SLC24A3: variants seen among roughly 807,000 people sequenced by gnomAD.
The protein encoded by SLC24A3 is solute carrier family 24 member 3, also known as sodium/potassium/calcium exchanger 3.
In SLC24A3, 28 loss-of-function variants were observed where a neutral mutation model predicts 75.8. The observed-to-expected ratio is 0.37, with a 90% confidence interval of 0.27 to 0.51. The LOEUF (loss-of-function observed/expected upper bound fraction) is 0.51, where lower values mean the gene tolerates loss of function less well. Ranked by LOEUF, SLC24A3 falls within the 20% of genes least tolerant of loss-of-function variation. The pLI, the probability that SLC24A3 is intolerant of heterozygous loss-of-function variation, is 0.94. For synonymous variants in SLC24A3, 372 were observed against 334.1 expected, an observed-to-expected ratio of 1.11 and a Z score of -1.24; for missense variants, 663 against 847.8, an observed-to-expected ratio of 0.78 and a Z score of 2.71.
Position 19,685,327 on chromosome 20 carries a change from T to C in SLC24A3, c.1290T>C (p.Asp430=), listed in dbSNP as rs761979094. 1 of 1,614,092 alleles carries C rather than the reference T, an allele frequency of 6.2e-7. No individual in the cohort carries two copies. Among genetic ancestry groups the C allele is most frequent in the Admixed American group, 1.7e-5 (1 of 60,010 alleles). ...AGGAGGAAGAGGAGGACGAGGATGA[T>C]GATGAAGGACCGTACACACCATTCG... ...NDEEEEEDED[D]DEGPYTPFDT... is the part of the protein sequence containing the mutation. Residue 430 remains aspartate (D), a synonymous_variant, in exon 12 of 17, where the codon GAT becomes GAC. Coordinates refer to ENST00000328041, the MANE Select transcript of SLC24A3 (RefSeq NM_020689.4).
At position 19,722,260 on chromosome 20, in the gene SLC24A3, G is replaced by A. The variant is rs1258684065; in HGVS notation, c.*1120G>A. On this transcript the variant is annotated 3_prime_UTR_variant, in exon 17 of 17. Coordinates refer to ENST00000328041, the MANE Select transcript of SLC24A3 (RefSeq NM_020689.4). Reference sequence around the variant, plus strand: ...GTCCCAATTTGCCACTTGGTATTGAGTACACTGGACCCTGACCACTGGCTC... The same window carrying A: ...GTCCCAATTTGCCACTTGGTATTGAATACACTGGACCCTGACCACTGGCTC... 1.3e-5 allele frequency: 2 copies of A among 152,840 alleles called. No individual in the cohort carries two copies. Among genetic ancestry groups the A allele is most frequent in the East Asian group, 3.9e-4 (2 of 5,182 alleles). 9.5% of individuals were successfully genotyped at this position (152,840 alleles called of 1,614,324 possible). A position where few individuals can be genotyped will look rare whatever the true frequency, so the allele number is the denominator to read the frequency against.
At chr20:19,393,793 G>C (rs970855191) in intron 2 of SLC24A3, among the ~76,000 whole-genome samples, 1 of 152,120 alleles carries the variant, frequency 6.6e-6, no homozygotes, top group East Asian at 1.9e-4. Flanking sequence ...TACACAAAAT[G>C]ATCTACGTAT....
At chr20:19,269,277 A>T (rs1983256020) in intron 1 of SLC24A3, among the ~76,000 whole-genome samples, 1 of 152,208 alleles carries the variant, frequency 6.6e-6, no homozygotes. Context: ...TAGATTGATC[A>T]TCATGGTATT....
chr20:19,611,375 A>ATT (rs11483653), intron 6 of SLC24A3, among the ~76,000 whole-genome samples: 1 of 151,978 alleles, frequency 6.6e-6, no homozygotes, highest in Non-Finnish European at 1.5e-5. Flanking sequence ...CCGTTGAGAG[A>ATT]TTTTTTGAAT....
chr20:19,481,289 G>T (rs1449734428), intron 2 of SLC24A3, among the ~76,000 whole-genome samples: 1 of 152,210 alleles, frequency 6.6e-6, no homozygotes, highest in Non-Finnish European at 1.5e-5. Context: ...ATTGAGCAGT[G>T]ACTATGTGCT....
chr20:19,531,822 G>A (rs891708845), intron 3 of SLC24A3, among the ~76,000 whole-genome samples: 6 of 152,264 alleles, frequency 3.9e-5, no homozygotes, highest in South Asian at 2.1e-4. Context: ...CCAAGCCCCC[G>A]CGTGGAGATC....
intron 2 of SLC24A3, among the ~76,000 whole-genome samples, chr20:19,330,790 G>A (rs776482367): frequency 3.3e-5 from 5 of 152,190 alleles, no homozygotes; most frequent in Non-Finnish European, 5.9e-5. Flanking sequence ...TCTCATAAGT[G>A]TACAGTGGGT....
chr20:19,544,506 G>A (rs2030555704), intron 3 of SLC24A3, among the ~76,000 whole-genome samples: 1 of 152,098 alleles, frequency 6.6e-6, no homozygotes, highest in Non-Finnish European at 1.5e-5. Flanking sequence ...ATGTGGGAGG[G>A]GAAGCCTGAC....
intron 2 of SLC24A3, among the ~76,000 whole-genome samples, chr20:19,427,541 G>T (rs528611001): frequency 6.6e-6 from 1 of 152,324 alleles, no homozygotes; most frequent in South Asian, 2.1e-4. Flanking sequence ...GGGGGCTGGG[G>T]GAAAAGGTAG....
chr20:19,284,775 A>C lies in SLC24A3; in HGVS notation c.271+3688A>C, dbSNP rs942686727. ...AGATTCAGAGACTGGAGACAGAGTT[A>C]CCTCTATTCTGGTTATATTCCCTGT... On this transcript the variant is annotated intron_variant, in intron 2 of 16. Transcript: ENST00000328041. Among the ~76,000 whole-genome samples, 4 of 152,100 alleles carry C rather than the reference A, an allele frequency of 2.6e-5. No individual in the cohort carries two copies. The South Asian group carries it at 8.3e-4, about 32-fold the overall frequency.
intron 2 of SLC24A3, among the ~76,000 whole-genome samples, chr20:19,287,197 G>A (rs1201441887): frequency 6.6e-6 from 1 of 152,218 alleles, no homozygotes; most frequent in African/African-American, 2.4e-5. Flanking sequence ...GGGGTCCATG[G>A]ACTCCAGAAC....
At chr20:19,213,099 C>A in intron 1 of SLC24A3, 115 bp downstream of exon 1, 5 of 1,117,062 alleles carry the variant, frequency 4.5e-6, no homozygotes, top group Non-Finnish European at 5.5e-6. Flanking sequence ...GATAAGCGGG[C>A]TGGGTTGGCG....
chr20:19,552,694 T>A (rs1438632400), intron 3 of SLC24A3, among the ~76,000 whole-genome samples: 2 of 152,150 alleles, frequency 1.3e-5, no homozygotes, highest in Non-Finnish European at 2.9e-5. Context: ...CAAAAGATTC[T>A]TTTTTTCCTT....
At chr20:19,270,089 CAATGCATTGCTCCTGAACTTGCA>C (rs1983281002) in intron 1 of SLC24A3, among the ~76,000 whole-genome samples, 1 of 152,210 alleles carries the variant, frequency 6.6e-6, no homozygotes, top group Admixed American at 6.5e-5. Context: ...AGCTACTACA[CAATGCATTGCTCCTGAACTTGCA>C]TTTTCCTTTC....
At chr20:19,303,484 A>G (rs1341334356) in intron 2 of SLC24A3, among the ~76,000 whole-genome samples, 2 of 152,044 alleles carry the variant, frequency 1.3e-5, no homozygotes, top group Non-Finnish European at 2.9e-5. Context: ...GCGTGCCTGT[A>G]TCTTTATGGT....
At chr20:19,214,872 C>T (rs1188053824) in intron 1 of SLC24A3, among the ~76,000 whole-genome samples, 1 of 152,154 alleles carries the variant, frequency 6.6e-6, no homozygotes, top group Non-Finnish European at 1.5e-5. Flanking sequence ...CCTCTCACTT[C>T]CTCTTCCTCC....
chr20:19,599,956 T>A (rs532013121), intron 6 of SLC24A3, among the ~76,000 whole-genome samples: 29 of 152,250 alleles, frequency 1.9e-4, no homozygotes, highest in African/African-American at 7.0e-4. Context: ...GCCATGTCCT[T>A]GGTAAACGTG....
At chr20:19,430,484 G>A (rs1987082128) in intron 2 of SLC24A3, among the ~76,000 whole-genome samples, 1 of 152,162 alleles carries the variant, frequency 6.6e-6, no homozygotes, top group Admixed American at 6.5e-5. Flanking sequence ...GGAGAGCAAG[G>A]GGGAAGGAAA....
intron 2 of SLC24A3, among the ~76,000 whole-genome samples, chr20:19,442,727 A>G (rs7273030): frequency 0.064 from 9,751 of 152,082 alleles, 988 homozygotes; most frequent in African/African-American, 0.22. Flanking sequence ...TCTATTTTTT[A>G]TTTCTTTTAT....
Sources: allele counts gnomAD v4.1 joint callset (sites outside exome capture counted in the v4.1 genomes callset), GRCh38; gene constraint gnomAD v4.1.1; transcripts MANE v1.5; gene names NCBI Gene and HGNC (gene_info 2026-07-23, HGNC 2026-07-21).